Variants in AGMAT observed in about 807,000 individuals in gnomAD.
AGMAT encodes the protein agmatinase (putative).
In AGMAT, 37 loss-of-function variants were observed where a neutral mutation model predicts 29.3. The ratio of observed to expected loss-of-function variants is 1.26; its 90% CI spans 0.97 to 1.66. The LOEUF is 1.66. Ranked by LOEUF, AGMAT falls within the 40% of genes most tolerant of loss-of-function variation. The probability of loss-of-function intolerance (pLI) is 0.00; values close to 1 mark genes in which losing one functional copy is unlikely to be tolerated. For synonymous variants in AGMAT, 199 were observed against 200.8 expected (o/e 0.99, Z 0.08); for missense variants, 498 against 497.8 (o/e 1.00, Z 0.00).
intron 5 of AGMAT, among the ~76,000 whole-genome samples, chr1:15,576,347 C>G (rs1486260492): frequency 1.3e-5 from 2 of 152,020 alleles, no homozygotes; most frequent in African/African-American, 4.8e-5. Flanking sequence ...AACCACCCGC[C>G]TGATGCCTTG....
chr1:15,584,871 T>C lies in AGMAT; in HGVS notation c.97A>G (p.Ser33Gly), dbSNP rs1361805160. 2.8e-6 allele frequency: 4 copies of C among 1,410,644 alleles called. No individual in the cohort carries two copies. The highest frequency in any genetic ancestry group is 3.7e-6 in the Non-Finnish European group (4 of 1,088,400). The allele number at this position is 1,410,644 out of a possible 1,614,324, so 87.4% of individuals were successfully genotyped here. The change falls in exon 1 of 7, where the codon AGC (serine) becomes GGC (glycine). Residue 33 changes from serine (S) to glycine (G), a missense_variant. Ser to Gly is a moderately conservative substitution (Grantham distance 56). Coordinates refer to ENST00000375826, the MANE Select transcript of AGMAT (RefSeq NM_024758.5). ...CGGGGCGCGTCGGAAGCCTGGCGGC[T>C]CTGGCGGCGCCCCGGATGAAAGAGC... Reference protein sequence around the residue: ...AGLFHPGRRQSRQASDAPRNQ... With the variant: ...AGLFHPGRRQGRQASDAPRNQ...
intron 2 of AGMAT, among the ~76,000 whole-genome samples, chr1:15,580,785 G>A (rs1342692650): frequency 6.6e-6 from 1 of 151,956 alleles, no homozygotes; most frequent in African/African-American, 2.4e-5. Context: ...AGACCAGCCT[G>A]ACCAACATGG....
rs1324596060 is a variant in AGMAT at position 15,580,159 on chromosome 1, G to A, written c.476-17C>T. ...GATCTCCACCTGCAAAGAGGAAGAA[G>A]AAAACATCTGGAAAGTGAATTGGAG... On this transcript the variant is annotated splice_polypyrimidine_tract_variant and intron_variant, in intron 2 of 6. Coordinates refer to ENST00000375826, the MANE Select transcript of AGMAT (RefSeq NM_024758.5). The A allele has an allele frequency of 2.0e-6, 3 of 1,471,690 alleles. No homozygotes were observed. In the South Asian group the frequency reaches 3.4e-5, roughly 17 times the overall value. 91.2% of individuals were successfully genotyped at this position (1,471,690 alleles called of 1,614,324 possible).
intron 1 of AGMAT, among the ~76,000 whole-genome samples, chr1:15,584,452 A>T (rs1639157065): frequency 6.6e-6 from 1 of 151,936 alleles, no homozygotes; most frequent in Non-Finnish European, 1.5e-5. Context: ...GCCGGCCAAA[A>T]TCCCTTCTTG....
Position 15,584,806 on chromosome 1 carries a change from C to T in AGMAT, c.162G>A (p.Val54=). 7.1e-7 allele frequency: 1 copy of T among 1,401,002 alleles called. No homozygotes were observed. The highest frequency in any genetic ancestry group is 3.3e-5 in the Admixed American group (1 of 30,756). The allele number at this position is 1,401,002 out of a possible 1,614,324, so 86.8% of individuals were successfully genotyped here. A position where few individuals can be genotyped will look rare whatever the true frequency, so the allele number is the denominator to read the frequency against. The part of the protein sequence containing the change: ...PPSPEFVARP[V]GVCSMMRLPV... ...GCAGGCGCATCATGGAGCAGACGCC[C>T]ACCGGCCGGGCCACGAACTCGGGGC... Residue 54 remains valine, a synonymous_variant, in exon 1 of 7, where the codon GTG becomes GTA. Transcript: ENST00000375826.
intron 2 of AGMAT, 55 bp downstream of exon 2, chr1:15,583,138 G>T (rs1639139402): frequency 2.9e-5 from 37 of 1,267,924 alleles, no homozygotes; most frequent in Non-Finnish European, 3.8e-5. Context: ...CTGAGTACAG[G>T]ATAAGTAAAC....
chr1:15,579,177 TCTGC>T (rs1475059178), intron 3 of AGMAT, 123 bp from the exon 4 acceptor site: 2 of 884,948 alleles, frequency 2.3e-6, no homozygotes, highest in Non-Finnish European at 3.4e-6. Context: ...GCATCCGTTT[TCTGC>T]CTTGCAACTG....
rs774788057 is a variant in AGMAT at position 15,584,739 on chromosome 1, C to A, written c.229G>T (p.Gly77Trp). 8.9e-6 allele frequency: 12 copies of A among 1,347,142 alleles called. No homozygotes were observed. Among genetic ancestry groups the A allele is most frequent in the African/African-American group, 1.5e-5 (1 of 66,532 alleles). 83.4% of individuals were successfully genotyped at this position (1,347,142 alleles called of 1,614,324 possible). A position where few individuals can be genotyped will look rare whatever the true frequency, so the allele number is the denominator to read the frequency against. The change falls in exon 1 of 7, where the codon GGG becomes TGG. Residue 77 changes from glycine (G) to tryptophan (W), a missense_variant. Coordinates refer to ENST00000375826, the MANE Select transcript of AGMAT (RefSeq NM_024758.5). ...GAGGTCCCAGTATCCAGGGGCACCCCGATGAAGGCAGCGTCCAGCCCCTCG... is the reference window on the plus strand; with the variant it reads ...GAGGTCCCAGTATCCAGGGGCACCCAGATGAAGGCAGCGTCCAGCCCCTCG... ...SPEGLDAAFI[G>W]VPLDTGTSNR...
At chr1:15,584,236 G>A (rs926281669) in intron 1 of AGMAT, among the ~76,000 whole-genome samples, 3 of 152,198 alleles carry the variant, frequency 2.0e-5, no homozygotes, top group Non-Finnish European at 2.9e-5. Context: ...TCCGTCTCCC[G>A]GGTTCAAGCG....
chr1:15,580,932 G>C (rs370055264), intron 2 of AGMAT, among the ~76,000 whole-genome samples: 2 of 151,994 alleles, frequency 1.3e-5, no homozygotes, highest in East Asian at 1.9e-4. Context: ...CCAAGATCGC[G>C]CCACTGCACT....
At chr1:15,582,266 C>CA (rs1176405737) in intron 2 of AGMAT, among the ~76,000 whole-genome samples, 165 of 135,836 alleles carry the variant, frequency 1.2e-3, no homozygotes, top group African/African-American at 3.4e-3. Context: ...AATTCTGTCT[C>CA]AAAAAAAAAG....
Position 15,573,647 on chromosome 1 carries a change from A to G in AGMAT, c.*4T>C, listed in dbSNP as rs1638991544. On this transcript the variant is annotated 3_prime_UTR_variant, in exon 7 of 7. Coordinates refer to ENST00000375826, the MANE Select transcript of AGMAT (RefSeq NM_024758.5). ...AATCTGTTTTGTCTTGAAGAGCACA[A>G]GACTCAGACGGTTGTCACTTTGGGG... 6.2e-7 allele frequency: 1 copy of G among 1,614,000 alleles called. No individual in the cohort carries two copies. The highest frequency in any genetic ancestry group is 1.1e-5 in the South Asian group (1 of 91,088).
intron 2 of AGMAT, among the ~76,000 whole-genome samples, chr1:15,582,105 C>T (rs192719562): frequency 4.3e-4 from 65 of 151,626 alleles, no homozygotes; most frequent in Non-Finnish European, 8.5e-4. Context: ...CCCGTCTCTA[C>T]TAAAAATATA....
intron 3 of AGMAT, among the ~76,000 whole-genome samples, chr1:15,579,312 A>G (rs985349687): frequency 3.9e-5 from 6 of 152,160 alleles, no homozygotes; most frequent in Non-Finnish European, 5.9e-5. Context: ...TGCTTCACTT[A>G]GAGACAGGAT....
In AGMAT at chr1:15,580,556, AC is replaced by A. The variant is rs370688690; in HGVS notation, c.476-415del. ...TTTCAGCCTGGGGGGAGTTATAACC[AC>A]AGCTACAGTAAGATCTTATAGAATG... On this transcript the variant is annotated intron_variant, in intron 2 of 6. Transcript: ENST00000375826. Among the ~76,000 whole-genome samples the A allele has an allele frequency of 4.0e-3, 606 of 152,162 alleles. 5 individuals carry two copies. Among genetic ancestry groups the A allele is most frequent in the African/African-American group, 0.014 (577 of 41,518 alleles).
rs752456386 is a variant in AGMAT, at chr1:15,573,611, G to T, written c.*40C>A. 6.3e-7 allele frequency: 1 copy of T among 1,585,082 alleles called. No individual in the cohort carries two copies. Among genetic ancestry groups the T allele is most frequent in the Middle Eastern group, 1.7e-4 (1 of 5,996 alleles). On this transcript the variant is annotated 3_prime_UTR_variant, in exon 7 of 7. Coordinates refer to ENST00000375826, the MANE Select transcript of AGMAT (RefSeq NM_024758.5). ...ACTCATAAGTTCTTCTTGAGAACTT[G>T]TCAGCGACGCAATCTGTTTTGTCTT... is the stretch of plus-strand genomic sequence containing the variant.
At chr1:15,584,209 C>T (rs998504901) in intron 1 of AGMAT, among the ~76,000 whole-genome samples, 1 of 152,252 alleles carries the variant, frequency 6.6e-6, no homozygotes, top group African/African-American at 2.4e-5. Flanking sequence ...GTGGCGCAAT[C>T]TCAGCTCACT....
chr1:15,577,561 A>G, intron 5 of AGMAT, 124 bp downstream of exon 5: 9 of 1,066,720 alleles, frequency 8.4e-6, no homozygotes, highest in Non-Finnish European at 1.2e-5. Context: ...CGACAGAGTG[A>G]GACTCCGTCT....
intron 2 of AGMAT, among the ~76,000 whole-genome samples, chr1:15,581,124 G>A (rs1265910794): frequency 1.3e-5 from 2 of 152,156 alleles, no homozygotes; most frequent in Non-Finnish European, 2.9e-5. Flanking sequence ...AAGACAAGCA[G>A]ATCGCCTGAG....
Sources: allele counts gnomAD v4.1 joint callset (sites outside exome capture counted in the v4.1 genomes callset), GRCh38; gene constraint gnomAD v4.1.1; transcripts MANE v1.5; gene names NCBI Gene and HGNC (gene_info 2026-07-23, HGNC 2026-07-21).